Variants in C5orf47 observed in about 807,000 individuals in gnomAD.
C5orf47 encodes the protein chromosome 5 open reading frame 47.
A neutral mutation model predicts 20.6 loss-of-function variants in C5orf47; 20 were observed. The observed-to-expected ratio is 0.97, with a 90% CI of 0.68 to 1.41. The LOEUF is 1.41. C5orf47 is among the 40% of genes most tolerant of loss of function. C5orf47 has a pLI of 0.00. For missense variants in C5orf47, 262 were observed against 238.4 expected, an observed-to-expected ratio of 1.10 and a Z score of -0.65; for synonymous variants, 106 against 97.3, an observed-to-expected ratio of 1.09 and a Z score of -0.53.
At position 173,999,417 on chromosome 5, in the gene C5orf47, G is replaced by T. The variant is rs186155940; in HGVS notation, c.412-283G>T. Among the ~76,000 whole-genome samples the T allele has an allele frequency of 7.2e-5, 11 of 152,262 alleles. No homozygotes were observed. In the East Asian group the frequency reaches 2.1e-3, roughly 29 times the overall value. On this transcript the variant is annotated intron_variant, in intron 2 of 4. Coordinates refer to ENST00000340147, the MANE Select transcript of C5orf47 (RefSeq NM_001144954.2). ...AATGGAATGTGTTAGAATTGATTAG[G>T]TAGGACTTTATAGTCATTGCCTTTG... is the stretch of plus-strand genomic sequence containing the variant.
At chr5:174,009,097 C>T (rs558956500), downstream of C5orf47, among the ~76,000 whole-genome samples, 58 of 152,224 alleles carry the variant, frequency 3.8e-4, no homozygotes, top group Non-Finnish European at 4.6e-4. Flanking sequence ...TCATCCACTT[C>T]GGTTGCACTA....
chr5:174,004,540 A>C lies in C5orf47; in HGVS notation c.*286A>C, dbSNP rs919806049. On this transcript the variant is annotated 3_prime_UTR_variant, in exon 5 of 5. Coordinates refer to ENST00000340147, the MANE Select transcript of C5orf47 (RefSeq NM_001144954.2). ...ACATACTTTTAAATTAACCTCATAC[A>C]TAAAATTAAATTAGCATATCAATGC... 1 of 152,300 alleles carries C rather than the reference A, an allele frequency of 6.6e-6. No individual in the cohort carries two copies. Among genetic ancestry groups the C allele is most frequent in the African/African-American group, 2.4e-5 (1 of 41,456 alleles). 9.4% of individuals were successfully genotyped at this position (152,300 alleles called of 1,614,324 possible).
At position 173,998,126 on chromosome 5, in the gene C5orf47, C is replaced by T. The variant is rs541519316; in HGVS notation, c.326-27C>T. 3 of 1,300,746 alleles carry T rather than the reference C, an allele frequency of 2.3e-6. No homozygotes were observed. The African/African-American group carries it at 4.5e-5, about 19-fold the overall frequency. The allele number at this position is 1,300,746 out of a possible 1,614,324, so 80.6% of individuals were successfully genotyped here. On this transcript the variant is annotated intron_variant, in intron 1 of 4. Coordinates refer to ENST00000340147, the MANE Select transcript of C5orf47 (RefSeq NM_001144954.2). The stretch of plus-strand genomic sequence containing the variant: ...GATAGTAAATCCTTATATATGTTGA[C>T]CTTTTCACTTTCTTCTTAAAAATTA...
intron 1 of C5orf47, 97 bp from the exon 2 acceptor site, chr5:173,998,056 T>C (rs2113367410): frequency 1.4e-6 from 1 of 706,880 alleles, no homozygotes; most frequent in South Asian, 1.8e-5. Flanking sequence ...AGTATAAAAA[T>C]CCCCAAGGAG....
chr5:174,007,833 T>C (rs1237271184), downstream of C5orf47, among the ~76,000 whole-genome samples: 1 of 152,188 alleles, frequency 6.6e-6, no homozygotes, highest in Non-Finnish European at 1.5e-5. Context: ...GTGCTGGGAT[T>C]ACAGGCATGA....
rs1759257373 is a variant in C5orf47, at chr5:174,004,763, G to A, written c.*509G>A. Reference sequence around the variant, plus strand: ...TTACATAGCAACGATTATTTTGGGTGTTAAAACTAAGCTAATGATTATTTA... The same window carrying A: ...TTACATAGCAACGATTATTTTGGGTATTAAAACTAAGCTAATGATTATTTA... On this transcript the variant is annotated 3_prime_UTR_variant, in exon 5 of 5. Coordinates refer to ENST00000340147, the MANE Select transcript of C5orf47 (RefSeq NM_001144954.2). 4 of 152,290 alleles carry A rather than the reference G, an allele frequency of 2.6e-5. No individual in the cohort carries two copies. In the South Asian group the frequency reaches 8.3e-4, roughly 32 times the overall value. 9.4% of individuals were successfully genotyped at this position (152,290 alleles called of 1,614,324 possible).
intron 1 of C5orf47, among the ~76,000 whole-genome samples, chr5:173,990,142 T>TA (rs1373421087): frequency 6.9e-6 from 1 of 145,758 alleles, no homozygotes; most frequent in African/African-American, 2.5e-5. Context: ...TTTTTTTTTT[T>TA]TGAGACGGGG....
chr5:173,995,875 A>C (rs1374797085), intron 1 of C5orf47, among the ~76,000 whole-genome samples: 1 of 152,228 alleles, frequency 6.6e-6, no homozygotes, highest in Non-Finnish European at 1.5e-5. Context: ...TGGAAGATAA[A>C]CTTGTAAGCT....
In C5orf47 at chr5:173,992,507, T is replaced by C. The variant is rs1434803747; in HGVS notation, c.325+2919T>C. On this transcript the variant is annotated intron_variant, in intron 1 of 4. Coordinates refer to ENST00000340147, the MANE Select transcript of C5orf47 (RefSeq NM_001144954.2). ...CTTTTAATATTATTATTTCTTGTGC[T>C]TTCTTTTGGTTTACTTTGTTCTTCT... Among the ~76,000 whole-genome samples the C allele has an allele frequency of 2.6e-5, 4 of 152,168 alleles. No individual in the cohort carries two copies. In the East Asian group the frequency reaches 5.8e-4, roughly 22 times the overall value.
intron 4 of C5orf47, among the ~76,000 whole-genome samples, chr5:174,001,545 G>A (rs1759197175): frequency 6.6e-6 from 1 of 151,426 alleles, no homozygotes; most frequent in Non-Finnish European, 1.5e-5. Flanking sequence ...TTATTCTGAG[G>A]GCAGAATCTT....
rs1282106014 is a variant in C5orf47 at position 173,989,443 on chromosome 5, G to A, written c.180G>A (p.Val60=). 1.3e-6 allele frequency: 2 copies of A among 1,549,626 alleles called. No individual in the cohort carries two copies. The highest frequency in any genetic ancestry group is 2.7e-5 in the African/African-American group (2 of 72,936). ...AGAAGCCGAGGGAAGCAATGGCGGT[G>A]GCGGGCGTTCAGGGTGGCAGCGAGC... is the stretch of plus-strand genomic sequence containing the variant. ...RQEKPREAMA[V]AGVQGGSELP... Residue 60 remains valine (V), a synonymous_variant, in exon 1 of 5, where the codon GTG becomes GTA. Transcript: ENST00000340147.
rs1254925041 is a variant in C5orf47 at position 174,001,167 on chromosome 5, A to G, written c.512-29A>G. 25 of 1,488,616 alleles carry G rather than the reference A, an allele frequency of 1.7e-5. No individual in the cohort carries two copies. In the East Asian group the frequency reaches 5.7e-4, roughly 34 times the overall value. The allele number at this position is 1,488,616 out of a possible 1,614,324, so 92.2% of individuals were successfully genotyped here. A position where few individuals can be genotyped will look rare whatever the true frequency, so the allele number is the denominator to read the frequency against. On this transcript the variant is annotated intron_variant, in intron 3 of 4. Transcript: ENST00000340147. Reference sequence around the variant, plus strand: ...AAACCAGTGCTAGAGGCCAACTTAAATTTTCCTTATTTTTTATGTTGTTTG... The same window carrying G: ...AAACCAGTGCTAGAGGCCAACTTAAGTTTTCCTTATTTTTTATGTTGTTTG...
downstream of C5orf47, among the ~76,000 whole-genome samples, chr5:174,007,640 C>T (rs1759312691): frequency 6.6e-6 from 1 of 151,012 alleles, no homozygotes; most frequent in African/African-American, 2.5e-5. Flanking sequence ...TCACTGGAAC[C>T]TCCGCCCCCT....
chr5:173,994,859 G>C (rs898922632), intron 1 of C5orf47, among the ~76,000 whole-genome samples: 1 of 152,168 alleles, frequency 6.6e-6, no homozygotes, highest in Non-Finnish European at 1.5e-5. Context: ...TGTCTCCCAG[G>C]ATGGAGTGCA....
chr5:174,002,528 C>A (rs1453433203), intron 4 of C5orf47, among the ~76,000 whole-genome samples: 1 of 152,092 alleles, frequency 6.6e-6, no homozygotes, highest in Non-Finnish European at 1.5e-5. Flanking sequence ...TAATACAAAG[C>A]ACTCCAGTAT....
chr5:174,006,172 C>G (rs914557365), downstream of C5orf47: 2 of 152,310 alleles, frequency 1.3e-5, no homozygotes, highest in African/African-American at 4.8e-5. Context: ...ATCTCCAGCC[C>G]AAAGTGTCAT....
rs7720571 is a variant in C5orf47 at position 173,997,340 on chromosome 5, G to A, written c.326-813G>A. Among the ~76,000 whole-genome samples the A allele has an allele frequency of 6.7e-3, 1,017 of 152,208 alleles. 11 individuals carry two copies. Among genetic ancestry groups the A allele is most frequent in the African/African-American group, 0.024 (979 of 41,546 alleles). ...ATATAAAGGCTTTCAGGGAACACAC[G>A]CTCATTATTTTATAATTTTGTCTTT... On this transcript the variant is annotated intron_variant, in intron 1 of 4. Coordinates refer to ENST00000340147, the MANE Select transcript of C5orf47 (RefSeq NM_001144954.2).
chr5:174,003,524 A>C (rs896646357), intron 4 of C5orf47, among the ~76,000 whole-genome samples: 2 of 152,158 alleles, frequency 1.3e-5, no homozygotes, highest in African/African-American at 4.8e-5. Flanking sequence ...TCAGGAAAAA[A>C]TGCTAAGCAA....
chr5:173,995,839 A>G (rs1211526019), intron 1 of C5orf47, among the ~76,000 whole-genome samples: 1 of 152,222 alleles, frequency 6.6e-6, no homozygotes, highest in Non-Finnish European at 1.5e-5. Flanking sequence ...GGGGTGGAGT[A>G]AAGTTATCAG....
Sources: gnomAD v4.1 joint callset for allele counts (sites outside exome capture counted in the v4.1 genomes callset) on GRCh38, gnomAD v4.1.1 for gene constraint, MANE v1.5 for transcripts, NCBI Gene and HGNC (gene_info 2026-07-23, HGNC 2026-07-21) for gene names.